COMT: variants seen among roughly 807,000 people sequenced by gnomAD.
COMT encodes the protein catechol O-methyltransferase.
A neutral mutation model predicts 18.9 loss-of-function variants in COMT; 13 were observed. That is an observed-to-expected ratio of 0.69 (90% CI 0.45 to 1.09). The LOEUF is 1.09. COMT is among the 50% of genes least tolerant of loss of function. The pLI is 0.00. For synonymous variants in COMT, 150 were observed against 160.9 expected, an observed-to-expected ratio of 0.93 and a Z score of 0.51; for missense variants, 329 against 361.8, an observed-to-expected ratio of 0.91 and a Z score of 0.73.
chr22:19,962,427 G>A, intron 2 of COMT, 100 bp from the exon 3 acceptor site: 1 of 1,521,012 alleles, frequency 6.6e-7, no homozygotes, highest in Admixed American at 1.9e-5. Flanking sequence ...TTGCCCCTCT[G>A]CAAACACAAG....
chr22:19,946,301 A>AC (rs1941834668), intron 1 of COMT, among the ~76,000 whole-genome samples: 1 of 152,162 alleles, frequency 6.6e-6, no homozygotes, highest in South Asian at 2.1e-4. Flanking sequence ...AGCTTGGCCA[A>AC]CATGGTGAAA....
chr22:19,956,205 T>C (rs1195147666), intron 1 of COMT, among the ~76,000 whole-genome samples: 1 of 135,994 alleles, frequency 7.4e-6, no homozygotes, highest in Non-Finnish European at 1.5e-5. Context: ...AGTGCAGTGG[T>C]GTGATCTCAG....
At chr22:19,954,128 G>A (rs1942008264) in intron 1 of COMT, among the ~76,000 whole-genome samples, 1 of 151,602 alleles carries the variant, frequency 6.6e-6, no homozygotes, top group Admixed American at 6.6e-5. Flanking sequence ...TGTCTGTGAA[G>A]ACAAAGTCAC....
chr22:19,944,756 A>G (rs1423336556), intron 1 of COMT, among the ~76,000 whole-genome samples: 1 of 144,842 alleles, frequency 6.9e-6, no homozygotes, highest in Non-Finnish European at 1.5e-5. Context: ...CGGGAGGTGG[A>G]GCTTGCAATG....
intron 1 of COMT, among the ~76,000 whole-genome samples, chr22:19,945,183 G>T (rs1941816377): frequency 6.6e-6 from 1 of 152,200 alleles, no homozygotes; most frequent in African/African-American, 2.4e-5. Flanking sequence ...AGTGTCTATA[G>T]ATTTGGGTGA....
At chr22:19,943,010 G>C (rs1339424193) in intron 1 of COMT, among the ~76,000 whole-genome samples, 2 of 152,216 alleles carry the variant, frequency 1.3e-5, no homozygotes, top group African/African-American at 4.8e-5. Flanking sequence ...TGGCAGCCTT[G>C]AACTTCTCAG....
intron 5 of COMT, 95 bp downstream of exon 5, chr22:19,964,394 G>T: frequency 6.4e-7 from 1 of 1,560,320 alleles, no homozygotes; most frequent in Non-Finnish European, 8.8e-7. Flanking sequence ...TTCCAGTAGA[G>T]CCCTGTGTGG....
intron 1 of COMT, among the ~76,000 whole-genome samples, chr22:19,946,975 G>C (rs957111386): frequency 6.8e-6 from 1 of 146,526 alleles, no homozygotes; most frequent in Non-Finnish European, 1.5e-5. Flanking sequence ...GAGTGCAGTG[G>C]CACGATCTCG....
intron 1 of COMT, among the ~76,000 whole-genome samples, chr22:19,958,902 A>C (rs1942126614): frequency 6.6e-6 from 1 of 152,050 alleles, no homozygotes. Flanking sequence ...AAAAAAACAA[A>C]AAAAAAGCAC....
intron 5 of COMT, chr22:19,964,776 T>C (rs1197465961): frequency 2.4e-5 from 9 of 371,214 alleles, no homozygotes; most frequent in East Asian, 6.0e-5. Flanking sequence ...GCGAGGACCC[T>C]GAGTGCCCCG....
intron 5 of COMT, among the ~76,000 whole-genome samples, chr22:19,968,169 C>A (rs9332377): frequency 1.6e-4 from 25 of 152,212 alleles, no homozygotes; most frequent in Admixed American, 3.3e-4. Flanking sequence ...GTGCCTCTCC[C>A]TCATAGGCCT....
At position 19,956,621 on chromosome 22, in the gene COMT, C is replaced by T. The variant is rs545037414; in HGVS notation, c.-91-4578C>T. ...TCGAAATCCTGACCTTGTGGTCTGC[C>T]CGCCTTGGCCTCCCAAAGTGCTGGG... On this transcript the variant is annotated intron_variant, in intron 1 of 5. Transcript: ENST00000361682. Among the ~76,000 whole-genome samples the T allele has an allele frequency of 6.8e-3, 1,028 of 152,282 alleles. 5 individuals carry two copies. Among genetic ancestry groups the T allele is most frequent in the Non-Finnish European group, 0.01 (714 of 68,036 alleles).
At chr22:19,964,978 C>T (rs165737) in intron 5 of COMT, 45,228 of 171,456 alleles carry the variant, frequency 0.26, 6,369 homozygotes, top group Non-Finnish European at 0.31. Context: ...TCACGGCCTC[C>T]CCACCTGGTG....
chr22:19,949,391 T>C (rs547960116), intron 1 of COMT, among the ~76,000 whole-genome samples: 1 of 152,186 alleles, frequency 6.6e-6, no homozygotes, highest in Non-Finnish European at 1.5e-5. Context: ...CTTTGTCCCA[T>C]ATTTTTCCTC....
chr22:19,946,910 G>GTTTT (rs35689277), intron 1 of COMT, among the ~76,000 whole-genome samples: 7 of 117,104 alleles, frequency 6.0e-5, no homozygotes, highest in African/African-American at 1.0e-4. Flanking sequence ...TTTTTTTTTA[G>GTTTT]TTTTTTTTTT....
chr22:19,955,934 C>T (rs998359789), intron 1 of COMT, among the ~76,000 whole-genome samples: 8 of 152,062 alleles, frequency 5.3e-5, no homozygotes, highest in African/African-American at 9.7e-5. Context: ...TCTTTCTCTC[C>T]GTGGCCCCTG....
At chr22:19,963,339 G>A in intron 3 of COMT, 1 of 609,194 alleles carries the variant, frequency 1.6e-6, no homozygotes, top group Non-Finnish European at 2.9e-6. Context: ...AAGGGACCAT[G>A]GGAGCTCCAA....
chr22:19,962,740 G>T lies in COMT; in HGVS notation c.214G>T (p.Ala72Ser), dbSNP rs6267. The change falls in exon 3 of 6, where the codon GCA becomes TCA. Residue 72 changes from alanine (A) to serine (S), a missense_variant. Physicochemically the swap from Ala to Ser is moderately conservative, Grantham distance 99 (BLOSUM62 1). Coordinates refer to ENST00000361682, the MANE Select transcript of COMT (RefSeq NM_000754.4). The part of the protein sequence containing the change: ...HVLQHAEPGN[A>S]QSVLEAIDTY... ...GCTGCAGCATGCGGAGCCCGGGAAC[G>T]CACAGAGCGTGCTGGAGGCCATTGA... The T allele has an allele frequency of 5.6e-3, 9,067 of 1,613,680 alleles. 235 individuals carry two copies. The East Asian group carries it at 0.068, about 12-fold the overall frequency.
At chr22:19,943,970 T>C (rs988192380) in intron 1 of COMT, among the ~76,000 whole-genome samples, 3 of 152,100 alleles carry the variant, frequency 2.0e-5, no homozygotes, top group Non-Finnish European at 4.4e-5. Flanking sequence ...GGAGAATCTG[T>C]TGTGGTTCTG....
Sources: gnomAD v4.1 joint callset for allele counts (sites outside exome capture counted in the v4.1 genomes callset) on GRCh38, gnomAD v4.1.1 for gene constraint, MANE v1.5 for transcripts, NCBI Gene and HGNC (gene_info 2026-07-23, HGNC 2026-07-21) for gene names.